Variants in USP34 observed in about 807,000 individuals in gnomAD.
USP34 encodes the protein ubiquitin carboxyl-terminal hydrolase 34.
In USP34, 70 loss-of-function variants were observed where a neutral mutation model predicts 460.3. The ratio of observed to expected loss-of-function variants is 0.15; its 90% CI spans 0.13 to 0.19. The LOEUF (loss-of-function observed/expected upper bound fraction) is 0.19, where lower values mean the gene tolerates loss of function less well. USP34 is among the 10% of genes least tolerant of loss of function. USP34 has a pLI of 1.00. For synonymous variants in USP34, 1,647 were observed against 1,405.3 expected (o/e 1.17, Z -3.85); for missense variants, 3,985 against 4,236.2 (o/e 0.94, Z 1.65).
intron 1 of USP34, among the ~76,000 whole-genome samples, chr2:61,421,074 T>C (rs2103973197): frequency 6.6e-6 from 1 of 152,246 alleles, no homozygotes; most frequent in Non-Finnish European, 1.5e-5. Context: ...TTATCTCTCA[T>C]CTCCAAAACC....
At chr2:61,295,419 T>G (rs1387308493) in intron 30 of USP34, 129 bp from the exon 31 acceptor site, 1 of 1,010,012 alleles carries the variant, frequency 9.9e-7, no homozygotes. Context: ...TTAAAACATA[T>G]GAAGACTAGG....
rs2103746721 is a variant in USP34 at position 61,337,260 on chromosome 2, A to G, written c.2744+2091T>C. Reference sequence around the variant, plus strand: ...TATAAATAAAATAATAGAGATACATAATGTTTTTGTGTCTGGCTTCTTTCT... The same window carrying G: ...TATAAATAAAATAATAGAGATACATGATGTTTTTGTGTCTGGCTTCTTTCT... On this transcript the variant is annotated intron_variant, in intron 18 of 79. Transcript: ENST00000398571. Among the ~76,000 whole-genome samples, 3 of 152,272 alleles carry G rather than the reference A, an allele frequency of 2.0e-5. No individual in the cohort carries two copies. The Middle Eastern group carries it at 0.01, about 518-fold the overall frequency.
intron 43 of USP34, 131 bp from the exon 44 acceptor site, chr2:61,259,907 C>T (rs554266570): frequency 1.5e-6 from 1 of 665,636 alleles, no homozygotes; most frequent in East Asian, 2.7e-5. Context: ...AGAAAAACAC[C>T]AACACATTCA....
At chr2:61,279,570 C>G (rs553105413) in intron 39 of USP34, among the ~76,000 whole-genome samples, 1 of 152,238 alleles carries the variant, frequency 6.6e-6, no homozygotes, top group South Asian at 2.1e-4. Context: ...CGGGTTCAAG[C>G]GATTCTGCCT....
intron 1 of USP34, among the ~76,000 whole-genome samples, chr2:61,442,093 C>T (rs1170728937): frequency 6.6e-6 from 1 of 152,128 alleles, no homozygotes; most frequent in African/African-American, 2.4e-5. Context: ...TGAAACTATA[C>T]CCTCACTCCT....
chr2:61,352,696 C>A (rs1691976689), intron 10 of USP34, among the ~76,000 whole-genome samples: 1 of 147,990 alleles, frequency 6.8e-6, no homozygotes, highest in South Asian at 2.2e-4. Flanking sequence ...AAAAAAAAAC[C>A]CACTCTTTCA....
intron 16 of USP34, 58 bp from the exon 17 acceptor site, chr2:61,339,739 G>A (rs1453200223): frequency 2.2e-6 from 2 of 891,010 alleles, no homozygotes; most frequent in African/African-American, 3.5e-5. Flanking sequence ...ACTGATTATA[G>A]CATTCATATG....
At position 61,281,111 on chromosome 2, in the gene USP34, A is replaced by G; in HGVS notation, c.5130T>C (p.Ala1710=). 6.2e-7 allele frequency: 1 copy of G among 1,613,728 alleles called. No individual in the cohort carries two copies. Among genetic ancestry groups the G allele is most frequent in the Non-Finnish European group, 8.5e-7 (1 of 1,179,798 alleles). ...TTACCCTAATAGGTTTGAGTGCTTG[A>G]GCATCAGGAAGAAATTTCAATAATG... ...ASTLLKFLPD[A]QALKPIRIDD... Residue 1710 remains alanine, a synonymous_variant, in exon 38 of 80, where the codon GCT becomes GCC. Transcript: ENST00000398571.
At chr2:61,334,226 A>G (rs1323353958) in intron 18 of USP34, among the ~76,000 whole-genome samples, 1 of 152,182 alleles carries the variant, frequency 6.6e-6, no homozygotes, top group Non-Finnish European at 1.5e-5. Context: ...AAGCAAGTGA[A>G]GAGCATTTAA....
chr2:61,272,655 T>C (rs1265446657), intron 41 of USP34, among the ~76,000 whole-genome samples: 1 of 152,184 alleles, frequency 6.6e-6, no homozygotes, highest in Non-Finnish European at 1.5e-5. Context: ...GTAAACCCTC[T>C]GAAATGTTAA....
rs770429283 is a variant in USP34 at position 61,228,983 on chromosome 2, C to T, written c.7212G>A (p.Met2404Ile). Reference protein sequence around the residue: ...QPGMEDGSDDMDTSVEDIGGR... With the variant: ...QPGMEDGSDDIDTSVEDIGGR... ...CACCAATATCTTCTACTGAGGTATC[C>T]ATATCATCTGACCTAAGAGACAATT... Residue 2404 changes from methionine to isoleucine, a missense_variant, in exon 60 of 80, where the codon ATG (methionine) becomes ATA (isoleucine). Physicochemically the swap from Met to Ile is conservative, Grantham distance 10 (BLOSUM62 1). This residue lies in a region of USP34 where 604 missense variants were observed against 684.8 expected (regional missense o/e 0.88). Transcript: ENST00000398571. 20 of 1,587,180 alleles carry T rather than the reference C, an allele frequency of 1.3e-5. No homozygotes were observed. The highest frequency in any genetic ancestry group is 1.8e-5 in the Admixed American group (1 of 55,140).
intron 3 of USP34, among the ~76,000 whole-genome samples, chr2:61,398,173 C>A (rs929527832): frequency 6.6e-6 from 1 of 152,032 alleles, no homozygotes; most frequent in Non-Finnish European, 1.5e-5. Flanking sequence ...AGACTAGCCT[C>A]GTACTCACGG....
At chr2:61,227,896 A>T (rs943581622) in intron 61 of USP34, among the ~76,000 whole-genome samples, 1 of 133,554 alleles carries the variant, frequency 7.5e-6, no homozygotes, top group African/African-American at 2.6e-5. Flanking sequence ...CCAGTTATAC[A>T]AAATAAGAAA....
At position 61,417,309 on chromosome 2, in the gene USP34, C is replaced by G. The variant is rs997381639; in HGVS notation, c.131+3437G>C. 1.5e-5 allele frequency: 11 copies of G among 731,080 alleles called. No homozygotes were observed. The African/African-American group carries it at 1.9e-4, about 13-fold the overall frequency. The allele number at this position is 731,080 out of a possible 1,614,324, so 45.3% of individuals were successfully genotyped here. On this transcript the variant is annotated intron_variant, in intron 2 of 79. Transcript: ENST00000398571. The stretch of plus-strand genomic sequence containing the variant: ...CAGGCCGCATACACTACCAAGGAAG[C>G]TGCTGTTTACAGCCATTGCACACTG...
chr2:61,326,285 G>A (rs774088306), intron 20 of USP34, among the ~76,000 whole-genome samples: 5 of 152,188 alleles, frequency 3.3e-5, no homozygotes, highest in Admixed American at 6.5e-5. Context: ...ACCGCTCACT[G>A]CAACCTCTGC....
chr2:61,285,755 G>C (rs1689670995), intron 34 of USP34, among the ~76,000 whole-genome samples: 1 of 152,030 alleles, frequency 6.6e-6, no homozygotes, highest in Admixed American at 6.6e-5. Flanking sequence ...GAATTAAAAA[G>C]CAATATAATA....
chr2:61,443,063 T>TTA (rs1695011108), intron 1 of USP34, among the ~76,000 whole-genome samples: 1 of 85,048 alleles, frequency 1.2e-5, no homozygotes, highest in Non-Finnish European at 2.4e-5. Flanking sequence ...AAGTTCTTAC[T>TTA]CATGTGGAAG....
chr2:61,449,209 G>C (rs1695202112), intron 1 of USP34, among the ~76,000 whole-genome samples: 1 of 149,498 alleles, frequency 6.7e-6, no homozygotes. Context: ...GAAGGCAGAA[G>C]TCATGCCACT....
At chr2:61,307,889 A>T (rs1690462846) in intron 27 of USP34, among the ~76,000 whole-genome samples, 1 of 152,014 alleles carries the variant, frequency 6.6e-6, no homozygotes, top group African/African-American at 2.4e-5. Context: ...TCTCTACAAA[A>T]AATACAAAAA....
Sources: gnomAD v4.1 joint callset for allele counts (sites outside exome capture counted in the v4.1 genomes callset) on GRCh38, gnomAD v4.1.1 for gene constraint, gnomAD v4.1.1 regional missense constraint, MANE v1.5 for transcripts, NCBI Gene and HGNC (gene_info 2026-07-23, HGNC 2026-07-21) for gene names.